The following NID2 variants were observed in gnomAD, a reference collection of about 807,000 sequenced individuals.
The protein encoded by NID2 is nidogen 2.
Under a neutral mutation model 145.4 loss-of-function variants are expected in NID2, and 83 were observed. The ratio of observed to expected loss-of-function variants is 0.57; its 90% CI spans 0.48 to 0.69. The LOEUF (loss-of-function observed/expected upper bound fraction) is 0.69, where lower values mean the gene tolerates loss of function less well. Among genes scored for constraint, NID2 ranks in the 30% least tolerant of loss-of-function variants. NID2 has a pLI of 0.00. For missense variants in NID2, 1,807 were observed against 1,765.7 expected (o/e 1.02, Z -0.42); for synonymous variants, 739 against 701.3 (o/e 1.05, Z -0.85).
At chr14:52,058,844 A>G (rs12586602) in intron 3 of NID2, among the ~76,000 whole-genome samples, 18,718 of 151,792 alleles carry the variant, frequency 0.12, 1,739 homozygotes, top group East Asian at 0.51. Context: ...AAATCTATGG[A>G]ATAATAAATC....
intron 5 of NID2, among the ~76,000 whole-genome samples, chr14:52,045,260 G>T (rs1057473146): frequency 6.6e-6 from 1 of 152,182 alleles, no homozygotes; most frequent in African/African-American, 2.4e-5. Flanking sequence ...GGTAAGAAAT[G>T]AGAGTAGCAG....
Position 52,005,313 on chromosome 14 carries a change from A to G in NID2, c.*173T>C. On this transcript the variant is annotated 3_prime_UTR_variant, in exon 22 of 22. Coordinates refer to ENST00000216286, the MANE Select transcript of NID2 (RefSeq NM_007361.4). ...CATTTTTAAAAATACAGTAGTAAAGATTGAGGTATCAGCTTTTCACAAAAG... is the reference window on the plus strand; with the variant it reads ...CATTTTTAAAAATACAGTAGTAAAGGTTGAGGTATCAGCTTTTCACAAAAG... 2.1e-6 allele frequency: 1 copy of G among 469,086 alleles called. No individual in the cohort carries two copies. The highest frequency in any genetic ancestry group is 3.7e-6 in the Non-Finnish European group (1 of 273,548). The allele number at this position is 469,086 out of a possible 1,614,324, so 29.1% of individuals were successfully genotyped here.
chr14:52,056,649 A>G (rs1445462107), intron 3 of NID2, among the ~76,000 whole-genome samples: 1 of 152,080 alleles, frequency 6.6e-6, no homozygotes, highest in Non-Finnish European at 1.5e-5. Context: ...AAAAATAGTC[A>G]GGTGTGATGG....
At chr14:52,028,629 C>T in intron 11 of NID2, 93 bp downstream of exon 11, 1 of 1,392,096 alleles carries the variant, frequency 7.2e-7, no homozygotes, top group Non-Finnish European at 9.8e-7. Context: ...ATAGCAGAGC[C>T]TCTGAATAGC....
chr14:52,043,027 G>T, intron 5 of NID2, 96 bp from the exon 6 acceptor site: 1 of 1,196,702 alleles, frequency 8.4e-7, no homozygotes, highest in Non-Finnish European at 1.2e-6. Context: ...AAGCAGTTTA[G>T]ATCATAACAA....
At chr14:52,048,702 G>A (rs1277990030) in intron 5 of NID2, among the ~76,000 whole-genome samples, 1 of 152,316 alleles carries the variant, frequency 6.6e-6, no homozygotes, top group South Asian at 2.1e-4. Context: ...AATCACTGAA[G>A]TGCAGAGGAA....
intron 16 of NID2, among the ~76,000 whole-genome samples, chr14:52,013,593 C>G (rs1170882969): frequency 6.6e-6 from 1 of 152,150 alleles, no homozygotes; most frequent in East Asian, 1.9e-4. Context: ...TGTGTCGATG[C>G]CATTCGAGAC....
chr14:52,052,765 C>A (rs1892718550), intron 5 of NID2, among the ~76,000 whole-genome samples: 1 of 152,186 alleles, frequency 6.6e-6, no homozygotes, highest in South Asian at 2.1e-4. Context: ...CTCTTTCTTC[C>A]TATCAGAGGT....
At chr14:52,038,035 G>A (rs903066039) in intron 9 of NID2, among the ~76,000 whole-genome samples, 3 of 152,162 alleles carry the variant, frequency 2.0e-5, no homozygotes, top group Admixed American at 2.0e-4. Flanking sequence ...TACACAAAAT[G>A]TCATCTGAGA....
intron 9 of NID2, among the ~76,000 whole-genome samples, chr14:52,035,856 G>GTATATATATA (rs60735637): frequency 0.073 from 4,729 of 65,034 alleles, 209 homozygotes; most frequent in East Asian, 0.2. Context: ...ATTTTTTTGT[G>GTATATATATA]TATATATATA....
intron 9 of NID2, among the ~76,000 whole-genome samples, chr14:52,032,408 G>C (rs941623): frequency 0.85 from 129,489 of 152,152 alleles, 55,941 homozygotes; most frequent in East Asian, 0.97. Context: ...CATCCTTGGA[G>C]GTCCGTTCCT....
chr14:52,042,230 G>A lies in NID2; in HGVS notation c.1700C>T (p.Thr567Met), dbSNP rs150406341. 8,385 of 1,614,182 alleles carry A rather than the reference G, an allele frequency of 5.2e-3. 17 individuals carry two copies. Among genetic ancestry groups the A allele is most frequent in the Non-Finnish European group, 6.3e-3 (7,449 of 1,180,024 alleles). Reference protein sequence around the residue: ...YIVGNDGRAYTAISHIPQPAA... With the variant: ...YIVGNDGRAYMAISHIPQPAA... The stretch of plus-strand genomic sequence containing the variant: ...TGGCTGTGGGATGTGGCTGATGGCC[G>A]TGTAGGCTCTGCCATCATTGCCCAC... The change falls in exon 7 of 22, where the codon ACG (threonine) becomes ATG (methionine). Residue 567 changes from threonine to methionine, a missense_variant. Thr to Met is a moderately conservative substitution (Grantham distance 81). Transcript: ENST00000216286.
chr14:52,045,432 G>C (rs1424723764), intron 5 of NID2, among the ~76,000 whole-genome samples: 1 of 152,002 alleles, frequency 6.6e-6, no homozygotes, highest in Non-Finnish European at 1.5e-5. Context: ...ATAGGGCCTT[G>C]ATGACTTGGC....
At chr14:52,067,616 C>T (rs143319139) in intron 2 of NID2, among the ~76,000 whole-genome samples, 110 of 152,322 alleles carry the variant, frequency 7.2e-4, no homozygotes, top group African/African-American at 2.5e-3. Flanking sequence ...TCTGCACTCC[C>T]GCTCTCATAT....
intron 2 of NID2, among the ~76,000 whole-genome samples, chr14:52,066,407 T>C (rs193040865): frequency 9.3e-4 from 141 of 152,240 alleles, no homozygotes; most frequent in Middle Eastern, 6.8e-3. Context: ...CAGGTTATTA[T>C]AGTCAATAAT....
At chr14:52,007,153 A>G (rs896521863) in intron 19 of NID2, 2 of 154,354 alleles carry the variant, frequency 1.3e-5, no homozygotes, top group African/African-American at 4.8e-5. Context: ...TACAATAGCT[A>G]AACCATTCAA....
chr14:52,066,863 C>T (rs1043009460), intron 2 of NID2, among the ~76,000 whole-genome samples: 2 of 152,202 alleles, frequency 1.3e-5, no homozygotes, highest in Admixed American at 6.5e-5. Flanking sequence ...TTACCAAGCA[C>T]GCTGGCCCCA....
chr14:52,043,174 AC>A (rs1284246163), intron 5 of NID2, among the ~76,000 whole-genome samples: 2 of 152,204 alleles, frequency 1.3e-5, no homozygotes, highest in Non-Finnish European at 2.9e-5. Flanking sequence ...ATGAGACTGC[AC>A]CCGTGGGTTT....
At chr14:52,017,033 C>T (rs1271399657) in intron 14 of NID2, among the ~76,000 whole-genome samples, 2 of 152,206 alleles carry the variant, frequency 1.3e-5, no homozygotes, top group Non-Finnish European at 2.9e-5. Context: ...CTGACTTCTT[C>T]AGCCAAATGT....
Sources: gnomAD v4.1 joint callset for allele counts (sites outside exome capture counted in the v4.1 genomes callset) on GRCh38, gnomAD v4.1.1 for gene constraint, MANE v1.5 for transcripts, NCBI Gene and HGNC (gene_info 2026-07-23, HGNC 2026-07-21) for gene names.